Variants in CD46 observed in about 807,000 individuals in gnomAD.
The protein encoded by CD46 is membrane cofactor protein.
In CD46, 30 loss-of-function variants were observed where a neutral mutation model predicts 53.3. The ratio of observed to expected loss-of-function variants is 0.56; its 90% confidence interval spans 0.42 to 0.76. The LOEUF is 0.76. Ranked by LOEUF, CD46 falls within the 30% of genes least tolerant of loss-of-function variation. The pLI is 0.00. For synonymous variants in CD46, 142 were observed against 152.0 expected (o/e 0.93, Z 0.48); for missense variants, 409 against 463.0 (o/e 0.88, Z 1.07).
intron 11 of CD46, among the ~76,000 whole-genome samples, chr1:207,786,573 CTG>C (rs1659293311): frequency 6.6e-6 from 1 of 152,160 alleles, no homozygotes; most frequent in African/African-American, 2.4e-5. Context: ...TTTTTAAAAA[CTG>C]TTTTCCCCTA....
In CD46 at chr1:207,761,395, A is replaced by G; in HGVS notation, c.622A>G (p.Ile208Val). ...DPFSLIGEST[I>V]YCGDNSVWSR... Reference sequence around the variant, plus strand: ...ATTTTCACTTATTGGAGAGAGCACGATTTATTGTGGTGACAATTCAGTGTG... The same window carrying G: ...ATTTTCACTTATTGGAGAGAGCACGGTTTATTGTGGTGACAATTCAGTGTG... The change falls in exon 5 of 13, where the codon ATT (isoleucine) becomes GTT (valine). Residue 208 changes from isoleucine (I) to valine (V), a missense_variant. Coordinates refer to ENST00000367042, the MANE Select transcript of CD46 (RefSeq NM_172351.3). 1 of 1,614,140 alleles carries G rather than the reference A, an allele frequency of 6.2e-7. No homozygotes were observed. The highest frequency in any genetic ancestry group is 8.5e-7 in the Non-Finnish European group (1 of 1,179,980).
At position 207,757,160 on chromosome 1, in the gene CD46, C is replaced by T. The variant is rs200133631; in HGVS notation, c.244C>T (p.Arg82Trp). The T allele has an allele frequency of 2.9e-5, 46 of 1,613,774 alleles. No individual in the cohort carries two copies. Among genetic ancestry groups the T allele is most frequent in the East Asian group, 1.6e-4 (7 of 44,864 alleles). ...PPLATHTICD[R>W]NHTWLPVSDD... Reference sequence around the variant, plus strand: ...TCTTGCCACCCATACTATTTGTGATCGGAATCATACATGGCTACCTGTCTC... The same window carrying T: ...TCTTGCCACCCATACTATTTGTGATTGGAATCATACATGGCTACCTGTCTC... The change falls in exon 2 of 13, where the codon CGG becomes TGG. Residue 82 changes from arginine (R) to tryptophan (W), a missense_variant. Physicochemically the swap from Arg to Trp is moderately radical, Grantham distance 101. Transcript: ENST00000367042.
chr1:207,789,318 T>A (rs1378641499), intron 11 of CD46, among the ~76,000 whole-genome samples: 1 of 152,242 alleles, frequency 6.6e-6, no homozygotes, highest in Admixed American at 6.5e-5. Context: ...CTAAACTGAC[T>A]TTTAATGTTA....
rs373519619 is a variant in CD46, at chr1:207,785,791, T to TAAAA, written c.1082+113_1082+116dup. ...TTGCATGCTATCTTTTTTTTTTTTT[T>TAAAA]AAAAAAATGCCTGCATTAGTTTGTC... is the stretch of plus-strand genomic sequence containing the variant. On this transcript the variant is annotated intron_variant, in intron 11 of 12. Coordinates refer to ENST00000367042, the MANE Select transcript of CD46 (RefSeq NM_172351.3). The TAAAA allele has an allele frequency of 2.1e-3, 1,517 of 722,202 alleles. 20 individuals are homozygous for TAAAA. The highest frequency in any genetic ancestry group is 8.1e-3 in the African/African-American group (453 of 55,830). The allele number at this position is 722,202 out of a possible 1,614,324, so 44.7% of individuals were successfully genotyped here.
chr1:207,792,409 G>A (rs1429581237), intron 12 of CD46, among the ~76,000 whole-genome samples: 2 of 152,262 alleles, frequency 1.3e-5, no homozygotes, highest in Non-Finnish European at 1.5e-5. Flanking sequence ...TAGTAATGAC[G>A]CAGTAGAGAA....
At chr1:207,783,779 C>T (rs1052350770) in intron 9 of CD46, 3 of 154,454 alleles carry the variant, frequency 1.9e-5, no homozygotes, top group African/African-American at 7.2e-5. Flanking sequence ...AATGGTTAAT[C>T]ATTTTATATA....
chr1:207,760,195 T>G (rs1656024062), intron 4 of CD46: 1 of 154,672 alleles, frequency 6.5e-6, no homozygotes, highest in East Asian at 1.9e-4. Flanking sequence ...TTTGTAAGAA[T>G]AAATGCAATA....
chr1:207,756,327 C>T (rs928354937), intron 1 of CD46, among the ~76,000 whole-genome samples: 3 of 152,212 alleles, frequency 2.0e-5, no homozygotes, highest in African/African-American at 7.2e-5. Context: ...CAGGAGTAAA[C>T]ACTCACCATC....
intron 8 of CD46, among the ~76,000 whole-genome samples, chr1:207,780,681 C>A (rs555483956): frequency 1.3e-5 from 2 of 152,118 alleles, no homozygotes; most frequent in Non-Finnish European, 2.9e-5. Flanking sequence ...CAGTGGGAAC[C>A]TTTAACAAAG....
chr1:207,775,815 A>G lies in CD46; in HGVS notation c.943+5453A>G, dbSNP rs185331990. 2.3e-3 allele frequency among the ~76,000 whole-genome samples: 356 copies of G among 152,270 alleles called. 3 individuals carry two copies. The highest frequency in any genetic ancestry group is 7.9e-3 in the African/African-American group (330 of 41,550). Reference sequence around the variant, plus strand: ...GGGAGGTCTTTCCCAGTCAGGCTACATGGGTGTCAGGGACCCACTTGAGGA... The same window carrying G: ...GGGAGGTCTTTCCCAGTCAGGCTACGTGGGTGTCAGGGACCCACTTGAGGA... On this transcript the variant is annotated intron_variant, in intron 8 of 12. Coordinates refer to ENST00000367042, the MANE Select transcript of CD46 (RefSeq NM_172351.3).
chr1:207,757,666 A>G, intron 3 of CD46, 24 bp downstream of exon 3: 2 of 1,376,940 alleles, frequency 1.5e-6, no homozygotes, highest in Non-Finnish European at 2.1e-6. Context: ...TAGAGGAAAT[A>G]AGGGAAGTGT....
intron 5 of CD46, 27 bp downstream of exon 5, chr1:207,761,473 C>G: frequency 6.4e-7 from 1 of 1,569,444 alleles, no homozygotes; most frequent in East Asian, 2.2e-5. Context: ...TTTCCTTCTT[C>G]ATTTGTAAAT....
At chr1:207,780,837 G>A (rs1014508078) in intron 8 of CD46, among the ~76,000 whole-genome samples, 15 of 151,926 alleles carry the variant, frequency 9.9e-5, no homozygotes, top group Admixed American at 9.8e-4. Context: ...TTAGAGTTCT[G>A]GAGGCTGAGA....
intron 11 of CD46, chr1:207,785,883 A>G: frequency 1.3e-5 from 7 of 533,214 alleles, no homozygotes; most frequent in South Asian, 1.2e-4. Flanking sequence ...ACATAAAAAC[A>G]TCTGTGCAGA....
Position 207,757,187 on chromosome 1 carries a change from G to C in CD46, c.271G>C (p.Asp91His). 6 of 1,613,356 alleles carry C rather than the reference G, an allele frequency of 3.7e-6. No individual in the cohort carries two copies. The highest frequency in any genetic ancestry group is 4.2e-6 in the Non-Finnish European group (5 of 1,179,732). The change falls in exon 2 of 13, where the codon GAT (aspartate) becomes CAT (histidine). Residue 91 changes from aspartate to histidine, a missense_variant. By Grantham distance (81) the Asp-to-His change is moderately conservative. Coordinates refer to ENST00000367042, the MANE Select transcript of CD46 (RefSeq NM_172351.3). Reference protein sequence around the residue: ...DRNHTWLPVSDDACYRETCPY... With the variant: ...DRNHTWLPVSHDACYRETCPY... The stretch of plus-strand genomic sequence containing the variant: ...GAATCATACATGGCTACCTGTCTCA[G>C]ATGACGCCTGTTATAGTAAGTAAAC...
At position 207,767,589 on chromosome 1, in the gene CD46, C is replaced by G; in HGVS notation, c.857-190C>G. ...AACTCCCAAGTGGTTGATCTTCTAA[C>G]ATTATTTTGTTTCCTAGTGCTGCCT... is the stretch of plus-strand genomic sequence containing the variant. On this transcript the variant is annotated intron_variant, in intron 6 of 12. Coordinates refer to ENST00000367042, the MANE Select transcript of CD46 (RefSeq NM_172351.3). The G allele has an allele frequency of 6.2e-7, 1 of 1,602,938 alleles. No individual in the cohort carries two copies. Among genetic ancestry groups the G allele is most frequent in the Non-Finnish European group, 8.5e-7 (1 of 1,170,148 alleles).
chr1:207,756,486 G>A (rs1655555854), intron 1 of CD46, among the ~76,000 whole-genome samples: 1 of 152,184 alleles, frequency 6.6e-6, no homozygotes, highest in African/African-American at 2.4e-5. Context: ...TTTGCAGATA[G>A]AGTTTGTCAG....
In CD46 at chr1:207,761,310, A is replaced by T; in HGVS notation, c.537A>T (p.Glu179Asp). 1 of 1,613,232 alleles carries T rather than the reference A, an allele frequency of 6.2e-7. No homozygotes were observed. Among genetic ancestry groups the T allele is most frequent in the Admixed American group, 1.7e-5 (1 of 60,028 alleles). Residue 179 changes from glutamate to aspartate, a missense_variant, in exon 5 of 13, where the codon GAA becomes GAT. Transcript: ENST00000367042. ...KNGKHTFSEV[E>D]VFEYLDAVTY... ...GAAAACACACCTTTAGTGAAGTAGA[A>T]GTATTTGAGTATCTTGATGCAGTAA...
In CD46 at chr1:207,794,460, T is replaced by A. The variant is rs1322557935; in HGVS notation, c.*983T>A. On this transcript the variant is annotated 3_prime_UTR_variant, in exon 13 of 13. Transcript: ENST00000367042. ...TTACATGTGTTTTTCTCTCCCTCCT[T>A]AAATAAAGAGAGGGGTTAAACATGC... is the stretch of plus-strand genomic sequence containing the variant. The A allele has an allele frequency of 6.6e-6, 1 of 152,166 alleles. No homozygotes were observed. The highest frequency in any genetic ancestry group is 1.5e-5 in the Non-Finnish European group (1 of 68,026). 9.4% of individuals were successfully genotyped at this position (152,166 alleles called of 1,614,324 possible).
Sources: allele counts gnomAD v4.1 joint callset (sites outside exome capture counted in the v4.1 genomes callset), GRCh38; gene constraint gnomAD v4.1.1; transcripts MANE v1.5; gene names NCBI Gene and HGNC (gene_info 2026-07-23, HGNC 2026-07-21).